The following SDK1 variants were observed in gnomAD, a reference collection of about 807,000 sequenced individuals.
SDK1 encodes the protein protein sidekick-1.
In SDK1, 157 loss-of-function variants were observed where a neutral mutation model predicts 245.5. The ratio of observed to expected loss-of-function variants is 0.64; its 90% confidence interval spans 0.56 to 0.73. The LOEUF (loss-of-function observed/expected upper bound fraction) is 0.73. Among genes scored for constraint, SDK1 ranks in the 30% least tolerant of loss-of-function variants. SDK1 has a pLI of 0.00. For synonymous variants in SDK1, 1,647 were observed against 1,278.5 expected, an observed-to-expected ratio of 1.29 and a Z score of -6.15; for missense variants, 3,583 against 3,002.3, an observed-to-expected ratio of 1.19 and a Z score of -4.52.
intron 17 of SDK1, among the ~76,000 whole-genome samples, chr7:4,048,177 G>T (rs540570142): frequency 6.6e-6 from 1 of 152,160 alleles, no homozygotes; most frequent in Non-Finnish European, 1.5e-5. Context: ...CGGCCGAGAA[G>T]ACCCTTGTTT....
At chr7:3,538,871 AT>A (rs1778972031) in intron 1 of SDK1, among the ~76,000 whole-genome samples, 1 of 152,340 alleles carries the variant, frequency 6.6e-6, no homozygotes, top group Non-Finnish European at 1.5e-5. Context: ...AAGCACACTT[AT>A]GCTGTCGGCA....
At chr7:4,215,842 C>T (rs940260296) in intron 38 of SDK1, among the ~76,000 whole-genome samples, 2 of 152,166 alleles carry the variant, frequency 1.3e-5, no homozygotes, top group African/African-American at 2.4e-5. Context: ...CCACTCATCC[C>T]CCCTGCCCTG....
chr7:3,460,300 C>T (rs76674945), intron 1 of SDK1, among the ~76,000 whole-genome samples: 1 of 152,078 alleles, frequency 6.6e-6, no homozygotes, highest in African/African-American at 2.4e-5. Flanking sequence ...TAAGGATGCT[C>T]TGAGAAAGAA....
intron 17 of SDK1, among the ~76,000 whole-genome samples, chr7:4,024,861 C>A (rs1357045280): frequency 2.0e-5 from 3 of 151,124 alleles, no homozygotes; most frequent in Non-Finnish European, 4.4e-5. Flanking sequence ...TGTATATCAG[C>A]CCTGGTGAAA....
intron 17 of SDK1, among the ~76,000 whole-genome samples, chr7:4,046,813 AG>A (rs1402287344): frequency 6.9e-6 from 1 of 143,926 alleles, no homozygotes; most frequent in Non-Finnish European, 1.5e-5. Context: ...GGAGATATCT[AG>A]CTGTGATTTT....
At chr7:4,011,774 G>A (rs1242211797) in intron 15 of SDK1, among the ~76,000 whole-genome samples, 1 of 152,198 alleles carries the variant, frequency 6.6e-6, no homozygotes, top group Non-Finnish European at 1.5e-5. Flanking sequence ...AGTTTGGGAG[G>A]AGTCTGAGAC....
intron 30 of SDK1, 90 bp from the exon 31 acceptor site, chr7:4,158,358 T>A (rs1173637729): frequency 9.8e-7 from 1 of 1,020,220 alleles, no homozygotes; most frequent in Non-Finnish European, 1.5e-6. Context: ...GGGGAGGGAT[T>A]TGCCCCTCTT....
intron 4 of SDK1, among the ~76,000 whole-genome samples, chr7:3,745,149 A>C (rs968993319): frequency 2.0e-5 from 3 of 152,172 alleles, no homozygotes; most frequent in Non-Finnish European, 4.4e-5. Flanking sequence ...GAATTATATC[A>C]ATTTTACTTA....
At chr7:4,167,323 G>A (rs1048680524) in intron 32 of SDK1, among the ~76,000 whole-genome samples, 4 of 152,138 alleles carry the variant, frequency 2.6e-5, no homozygotes, top group Non-Finnish European at 5.9e-5. Context: ...AGAGGCTACA[G>A]TGAGCAACCC....
intron 1 of SDK1, among the ~76,000 whole-genome samples, chr7:3,471,012 A>C (rs998229340): frequency 2.6e-5 from 4 of 152,280 alleles, no homozygotes; most frequent in African/African-American, 9.6e-5. Flanking sequence ...ACCCCAAATT[A>C]GTTTCTGAGT....
At chr7:4,232,411 C>CTTTTCTT (rs1785848122) in intron 40 of SDK1, among the ~76,000 whole-genome samples, 3 of 98,782 alleles carry the variant, frequency 3.0e-5, no homozygotes, top group Non-Finnish European at 3.9e-5. Flanking sequence ...TCTTTTCTTT[C>CTTTTCTT]TTTTTTTTTT....
intron 2 of SDK1, among the ~76,000 whole-genome samples, chr7:3,621,703 C>T (rs183170069): frequency 4.1e-3 from 623 of 152,294 alleles, no homozygotes; most frequent in Non-Finnish European, 6.8e-3. Flanking sequence ...GGAGAAAGCG[C>T]ACCTGTACCT....
intron 1 of SDK1, among the ~76,000 whole-genome samples, chr7:3,481,809 G>A (rs1271180096): frequency 3.9e-5 from 6 of 152,198 alleles, no homozygotes; most frequent in Admixed American, 1.3e-4. Flanking sequence ...TTACTAAACT[G>A]TCCTACCTTT....
At chr7:3,980,783 A>T (rs892540989) in intron 13 of SDK1, among the ~76,000 whole-genome samples, 1 of 152,154 alleles carries the variant, frequency 6.6e-6, no homozygotes, top group African/African-American at 2.4e-5. Context: ...CTCTACTAAA[A>T]ATACAAAAAT....
At chr7:3,480,112 C>T (rs555408375) in intron 1 of SDK1, among the ~76,000 whole-genome samples, 9 of 152,226 alleles carry the variant, frequency 5.9e-5, no homozygotes, top group East Asian at 5.8e-4. Context: ...CTGATCATTT[C>T]GTTTTCAAAT....
chr7:3,523,005 T>C (rs989280560), intron 1 of SDK1, among the ~76,000 whole-genome samples: 10 of 152,400 alleles, frequency 6.6e-5, no homozygotes, highest in Middle Eastern at 3.4e-3. Flanking sequence ...GACAAAGTTG[T>C]AATTTAATAC....
At chr7:3,779,523 T>C (rs17133819) in intron 4 of SDK1, among the ~76,000 whole-genome samples, 1,608 of 152,296 alleles carry the variant, frequency 0.011, 34 homozygotes, top group African/African-American at 0.036. Flanking sequence ...CATCGGTGAT[T>C]GGAAAACCGT....
chr7:4,183,705 C>T (rs924457831), intron 35 of SDK1, among the ~76,000 whole-genome samples: 1 of 151,982 alleles, frequency 6.6e-6, no homozygotes, highest in Non-Finnish European at 1.5e-5. Context: ...CTCCCATACT[C>T]CTAATCTCTC....
Position 3,708,787 on chromosome 7 carries a change from T to G in SDK1, c.713+66682T>G, listed in dbSNP as rs561603420. On this transcript the variant is annotated intron_variant, in intron 4 of 44. Transcript: ENST00000404826. ...GCAGGGGCACATATCCAAACTCTAT[T>G]ACCTTACATGTCAAGTGAGTCTCTT... Among the ~76,000 whole-genome samples, 8 of 152,398 alleles carry G rather than the reference T, an allele frequency of 5.2e-5. No individual in the cohort carries two copies. In the East Asian group the frequency reaches 1.5e-3, roughly 29 times the overall value.
Sources: gnomAD v4.1 joint callset for allele counts (sites outside exome capture counted in the v4.1 genomes callset) on GRCh38, gnomAD v4.1.1 for gene constraint, MANE v1.5 for transcripts, NCBI Gene and HGNC (gene_info 2026-07-23, HGNC 2026-07-21) for gene names.